Variants in DNAH10 observed in about 807,000 individuals in gnomAD.
The protein encoded by DNAH10 is axonemal beta dynein heavy chain 10.
DNAH10 carries 348 observed loss-of-function variants against 506.6 expected under a neutral mutation model. That is an observed-to-expected ratio of 0.69 (90% CI 0.63 to 0.75). DNAH10 has a LOEUF of 0.75. DNAH10 is among the 30% of genes least tolerant of loss of function. The probability of loss-of-function intolerance (pLI) is 0.00; values close to 1 mark genes in which losing one functional copy is unlikely to be tolerated. For synonymous variants in DNAH10, 2,059 were observed against 2,198.6 expected, an observed-to-expected ratio of 0.94 and a Z score of 1.78; for missense variants, 5,179 against 5,787.1, an observed-to-expected ratio of 0.89 and a Z score of 3.41.
At chr12:123,854,073 T>TTTG (rs1323446249) in intron 36 of DNAH10, among the ~76,000 whole-genome samples, 26 of 148,314 alleles carry the variant, frequency 1.8e-4, no homozygotes, top group Admixed American at 1.3e-4. Flanking sequence ...ATTTGGGTTT[T>TTTG]TTTTTTTTTT....
chr12:123,827,678 GTGACTTCATTTTCCCT>G (rs1481584954), intron 25 of DNAH10, among the ~76,000 whole-genome samples: 1 of 152,188 alleles, frequency 6.6e-6, no homozygotes, highest in African/African-American at 2.4e-5. Flanking sequence ...ATGACATCAA[GTGACTTCATTTTCCCT>G]AGTGAGAAAG....
At chr12:123,804,167 T>C (rs1958572848) in intron 17 of DNAH10, among the ~76,000 whole-genome samples, 2 of 152,150 alleles carry the variant, frequency 1.3e-5, no homozygotes, top group Admixed American at 1.3e-4. Context: ...TGTGGTACTT[T>C]GTTGATAACT....
chr12:123,893,567 C>A, intron 53 of DNAH10, 131 bp downstream of exon 53: 1 of 1,019,960 alleles, frequency 9.8e-7, no homozygotes, highest in Non-Finnish European at 1.4e-6. Context: ...GAAATGTGGG[C>A]TCTGCACTGT....
At position 123,864,577 on chromosome 12, in the gene DNAH10, T is replaced by A. The variant is rs369526653; in HGVS notation, c.6909-18T>A. The A allele has an allele frequency of 5.5e-5, 89 of 1,612,786 alleles. No individual in the cohort carries two copies. The highest frequency in any genetic ancestry group is 6.9e-5 in the Non-Finnish European group (81 of 1,179,432). Reference sequence around the variant, plus strand: ...AGCTCTCTAGGACCCATGGCTCTCCTTTCTTTGGTTGCTGCAGGTATATTT... The same window carrying A: ...AGCTCTCTAGGACCCATGGCTCTCCATTCTTTGGTTGCTGCAGGTATATTT... On this transcript the variant is annotated intron_variant, in intron 39 of 78. Transcript: ENST00000673944.
intron 36 of DNAH10, among the ~76,000 whole-genome samples, chr12:123,856,336 C>G (rs1383013968): frequency 6.7e-6 from 1 of 148,916 alleles, no homozygotes; most frequent in African/African-American, 2.5e-5. Flanking sequence ...GTATATCTAT[C>G]TATCTATCTA....
rs750110655 is a variant in DNAH10, at chr12:123,848,060, G to A, written c.5914G>A (p.Val1972Ile). ...DLAKALGLLC[V>I]VTNCGEGMDY... ...GGCGAAAGCCTTGGGCTTGCTCTGT[G>A]TTGTCACCAACTGTGGCGAAGGCAT... Residue 1972 changes from valine (V) to isoleucine (I), a missense_variant, in exon 33 of 79, where the codon GTT (valine) becomes ATT (isoleucine). Physicochemically the swap from Val to Ile is conservative, Grantham distance 29 (BLOSUM62 3). Transcript: ENST00000673944. 1 of 1,613,980 alleles carries A rather than the reference G, an allele frequency of 6.2e-7. No homozygotes were observed. Among genetic ancestry groups the A allele is most frequent in the South Asian group, 1.1e-5 (1 of 91,086 alleles).
At chr12:123,868,238 T>C in intron 43 of DNAH10, 119 bp downstream of exon 43, 1 of 933,474 alleles carries the variant, frequency 1.1e-6, no homozygotes, top group Non-Finnish European at 1.6e-6. Flanking sequence ...GTTTGCTTCT[T>C]TAGAGAAACA....
rs192745220 is a variant in DNAH10 at position 123,801,849 on chromosome 12, C to T, written c.2614+417C>T. The stretch of plus-strand genomic sequence containing the variant: ...ACCAAGATATTGACATTGATACAGT[C>T]GAGATAGAGAGCATTTTCAACACCA... On this transcript the variant is annotated intron_variant, in intron 16 of 78. Coordinates refer to ENST00000673944, the MANE Select transcript of DNAH10 (RefSeq NM_001372106.1). Among the ~76,000 whole-genome samples, 10 of 152,266 alleles carry T rather than the reference C, an allele frequency of 6.6e-5. No individual in the cohort carries two copies. The East Asian group carries it at 1.2e-3, about 18-fold the overall frequency.
intron 43 of DNAH10, 34 bp downstream of exon 43, chr12:123,868,153 G>C: frequency 6.4e-7 from 1 of 1,568,546 alleles, no homozygotes; most frequent in Non-Finnish European, 8.7e-7. Flanking sequence ...TCCCTGCTCT[G>C]AGTGCCTTTG....
chr12:123,896,128 CACACACACACACACACACACAGAGAG>C lies in DNAH10; in HGVS notation c.9280+1407_9280+1432del, dbSNP rs1262965224. 8.8e-4 allele frequency among the ~76,000 whole-genome samples: 101 copies of C among 115,368 alleles called. 1 individual carries two copies. The highest frequency in any genetic ancestry group is 3.4e-3 in the African/African-American group (93 of 27,104). The allele number at this position is 115,368 out of a possible 152,430, so 75.7% of individuals were successfully genotyped here. On this transcript the variant is annotated intron_variant, in intron 54 of 78. Transcript: ENST00000673944. Reference sequence around the variant, plus strand: ...ACTTTATCTCACACACACACACACACACACACACACACACACACACAGAGAGAGAGAGAGAGAGAGAGAGAGAGAGA... The same window carrying C: ...ACTTTATCTCACACACACACACACACAGAGAGAGAGAGAGAGAGAGAGAGA...
intron 19 of DNAH10, among the ~76,000 whole-genome samples, chr12:123,810,545 T>G (rs1015033925): frequency 6.6e-6 from 1 of 152,024 alleles, no homozygotes; most frequent in African/African-American, 2.4e-5. Context: ...CACACAAAAT[T>G]AGCTGGGCGT....
chr12:123,858,766 A>G (rs1039600214), intron 37 of DNAH10, among the ~76,000 whole-genome samples: 1 of 152,214 alleles, frequency 6.6e-6, no homozygotes, highest in African/African-American at 2.4e-5. Flanking sequence ...AAAGGAATGC[A>G]GCACGCGTGC....
intron 30 of DNAH10, among the ~76,000 whole-genome samples, chr12:123,841,810 A>G (rs1338942379): frequency 6.6e-6 from 1 of 152,094 alleles, no homozygotes; most frequent in African/African-American, 2.4e-5. Context: ...CTCAGTCTTC[A>G]GTGTAGCTGG....
chr12:123,876,222 T>A (rs1293220146), intron 47 of DNAH10, among the ~76,000 whole-genome samples: 1 of 152,132 alleles, frequency 6.6e-6, no homozygotes, highest in African/African-American at 2.4e-5. Context: ...CTGAAGGCAT[T>A]TGCTTTCAAA....
In DNAH10 at chr12:123,819,701, T is replaced by G. The variant is rs796605816; in HGVS notation, c.4000+451T>G. On this transcript the variant is annotated intron_variant, in intron 23 of 78. Transcript: ENST00000673944. ...ACAAGTTAAAAATACTAAAATTCTGTTTTTTTTTTTTTTTTTTTTTTGAGA... is the reference window on the plus strand; with the variant it reads ...ACAAGTTAAAAATACTAAAATTCTGGTTTTTTTTTTTTTTTTTTTTTGAGA... 4.3e-3 allele frequency among the ~76,000 whole-genome samples: 413 copies of G among 96,654 alleles called. 7 individuals carry two copies. The highest frequency in any genetic ancestry group is 0.02 in the African/African-American group (350 of 17,432). 63.4% of individuals were successfully genotyped at this position (96,654 alleles called of 152,430 possible). A position where few individuals can be genotyped will look rare whatever the true frequency, so the allele number is the denominator to read the frequency against.
At chr12:123,868,739 A>G (rs1308521107) in intron 43 of DNAH10, among the ~76,000 whole-genome samples, 1 of 152,148 alleles carries the variant, frequency 6.6e-6, no homozygotes, top group Non-Finnish European at 1.5e-5. Context: ...ATGGCTTTTG[A>G]AGTTGTATTT....
At chr12:123,830,737 C>CT in intron 26 of DNAH10, 38 bp downstream of exon 26, 6 of 1,523,214 alleles carry the variant, frequency 3.9e-6, no homozygotes, top group Non-Finnish European at 5.3e-6. Context: ...AGAAAACAGT[C>CT]TTTTTTTAAT....
rs1284410595 is a variant in DNAH10, at chr12:123,793,958, C to CA, written c.1836dup (p.His613ThrfsTer4). On this transcript the variant is annotated frameshift_variant, in exon 12 of 79. Coordinates refer to ENST00000673944, the MANE Select transcript of DNAH10 (RefSeq NM_001372106.1). LOFTEE classifies it high-confidence loss of function. ...TTTTTGCAGGTTATTGAGAAAGAAG[C>CA]AAAACATTTTATTGATGAATCTTTT... The CA allele has an allele frequency of 8.0e-7, 1 of 1,250,848 alleles. No homozygotes were observed. 77.5% of individuals were successfully genotyped at this position (1,250,848 alleles called of 1,614,324 possible).
At chr12:123,882,972 AGT>A (rs549242211) in intron 51 of DNAH10, among the ~76,000 whole-genome samples, 113 of 152,138 alleles carry the variant, frequency 7.4e-4, no homozygotes, top group African/African-American at 2.4e-3. Flanking sequence ...TCATGTGAAT[AGT>A]GTGTGTGTCT....
Sources: allele counts gnomAD v4.1 joint callset (sites outside exome capture counted in the v4.1 genomes callset), GRCh38; gene constraint gnomAD v4.1.1; transcripts MANE v1.5; gene names NCBI Gene and HGNC (gene_info 2026-07-23, HGNC 2026-07-21).